DRC8: variants seen among roughly 807,000 people sequenced by gnomAD.
The protein encoded by DRC8 is dynein regulatory complex subunit 8.
chr1:245,024,399 G>C, the DRC8 span, among the ~76,000 whole-genome samples: 28 of 152,094 alleles, frequency 1.8e-4, no homozygotes, highest in African/African-American at 6.8e-4. Flanking sequence ...TTGCTATCTT[G>C]ATGATAGAGT....
the DRC8 span, among the ~76,000 whole-genome samples, chr1:245,103,621 C>G: frequency 6.3e-5 from 8 of 126,950 alleles, no homozygotes; most frequent in South Asian, 2.4e-3. Context: ...AGAGGTGGTC[C>G]TCTATGGTCA....
At chr1:244,973,356 C>CT in the DRC8 span, among the ~76,000 whole-genome samples, 1 of 152,172 alleles carries the variant, frequency 6.6e-6, no homozygotes, top group Admixed American at 6.5e-5. Flanking sequence ...TCAGTACCCT[C>CT]TAAGTTCCAA....
the DRC8 span, among the ~76,000 whole-genome samples, chr1:244,973,691 C>G: frequency 6.6e-6 from 1 of 152,132 alleles, no homozygotes; most frequent in Admixed American, 6.5e-5. Context: ...TACAAAAAAC[C>G]TCATTGTAGA....
the DRC8 span, among the ~76,000 whole-genome samples, chr1:245,066,800 G>C: frequency 6.6e-6 from 1 of 151,966 alleles, no homozygotes; most frequent in African/African-American, 2.4e-5. Flanking sequence ...CCAGCTACTC[G>C]GGAGGCTGAG....
At chr1:245,006,262 A>C in the DRC8 span, among the ~76,000 whole-genome samples, 1 of 152,068 alleles carries the variant, frequency 6.6e-6, no homozygotes, top group Non-Finnish European at 1.5e-5. Context: ...AAAGGCAAAA[A>C]GGCAGGAAGT....
At chr1:244,999,813 T>A in the DRC8 span, among the ~76,000 whole-genome samples, 1 of 152,156 alleles carries the variant, frequency 6.6e-6, no homozygotes, top group Non-Finnish European at 1.5e-5. Flanking sequence ...TTTGTTTTTT[T>A]GTTTTGTTTG....
the DRC8 span, among the ~76,000 whole-genome samples, chr1:245,116,522 C>A: frequency 1.3e-5 from 2 of 152,140 alleles, no homozygotes; most frequent in Admixed American, 1.3e-4. Context: ...GAGCACAAAG[C>A]CCCAAGAGCT....
chr1:244,975,204 A>G, the DRC8 span, among the ~76,000 whole-genome samples: 2 of 152,170 alleles, frequency 1.3e-5, no homozygotes, highest in Non-Finnish European at 2.9e-5. Flanking sequence ...TGCTGGGATT[A>G]CAGGCGTGAG....
chr1:245,093,910 A>G, the DRC8 span, among the ~76,000 whole-genome samples: 1 of 152,168 alleles, frequency 6.6e-6, no homozygotes, highest in Non-Finnish European at 1.5e-5. Context: ...GCTATTAGTA[A>G]GAAATCTCAA....
the DRC8 span, among the ~76,000 whole-genome samples, chr1:245,065,223 T>C: frequency 6.6e-6 from 1 of 151,610 alleles, no homozygotes; most frequent in Non-Finnish European, 1.5e-5. Context: ...CGGCTAATTT[T>C]TGTATTTTCA....
chr1:245,058,280 A>G, the DRC8 span, among the ~76,000 whole-genome samples: 5 of 151,890 alleles, frequency 3.3e-5, no homozygotes, highest in Non-Finnish European at 7.4e-5. Flanking sequence ...TTGCTATATG[A>G]AAGAAAAAAA....
the DRC8 span, among the ~76,000 whole-genome samples, chr1:245,052,715 GC>G: frequency 2.0e-5 from 3 of 152,224 alleles, no homozygotes; most frequent in Non-Finnish European, 4.4e-5. Flanking sequence ...ATACCCAGCA[GC>G]TCTGGAGAAG....
At chr1:245,104,717 A>T in the DRC8 span, among the ~76,000 whole-genome samples, 39,699 of 152,034 alleles carry the variant, frequency 0.26, 6,223 homozygotes, top group African/African-American at 0.45. Flanking sequence ...CTTTACCAGA[A>T]AAGGTAGAGA....
At chr1:245,090,684 GT>G in the DRC8 span, among the ~76,000 whole-genome samples, 1,478 of 142,210 alleles carry the variant, frequency 0.01, 27 homozygotes, top group African/African-American at 0.036. Context: ...TTCTGTTTAC[GT>G]TTTTTTTTTT....
At chr1:245,006,467 A>AT in the DRC8 span, among the ~76,000 whole-genome samples, 1,666 of 151,342 alleles carry the variant, frequency 0.011, 34 homozygotes, top group African/African-American at 0.037. Context: ...CACCCAGCTA[A>AT]TTTTTTTTTG....
At chr1:245,034,789 A>G in the DRC8 span, among the ~76,000 whole-genome samples, 3 of 151,896 alleles carry the variant, frequency 2.0e-5, no homozygotes, top group Admixed American at 2.0e-4. Context: ...CAGAAAGGAG[A>G]AATTAATGAA....
At chr1:245,011,125 A>G in the DRC8 span, among the ~76,000 whole-genome samples, 1 of 152,224 alleles carries the variant, frequency 6.6e-6, no homozygotes, top group Non-Finnish European at 1.5e-5. Context: ...TATGTTTCAT[A>G]TAAACCCTAT....
At chr1:245,000,449 A>T in the DRC8 span, among the ~76,000 whole-genome samples, 1 of 152,144 alleles carries the variant, frequency 6.6e-6, no homozygotes. Flanking sequence ...AGACTGCTGC[A>T]TTTGTGTAAT....
chr1:245,003,405 C>A, the DRC8 span, among the ~76,000 whole-genome samples: 25 of 152,146 alleles, frequency 1.6e-4, no homozygotes, highest in Admixed American at 1.4e-3. Context: ...CACCATGTGG[C>A]AAGTGGGGAG....
Sources: allele counts gnomAD v4.1 joint callset (sites outside exome capture counted in the v4.1 genomes callset), GRCh38; gene constraint gnomAD v4.1.1; transcripts MANE v1.5; gene names NCBI Gene and HGNC (gene_info 2026-07-23, HGNC 2026-07-21).